Variants in TLR1 observed in about 807,000 individuals in gnomAD.
The protein encoded by TLR1 is toll like receptor 1.
TLR1 carries 19 observed loss-of-function variants against 20.2 expected under a neutral mutation model. The observed-to-expected ratio is 0.94, with a 90% CI of 0.66 to 1.38. The LOEUF (loss-of-function observed/expected upper bound fraction) is 1.38. Ranked by LOEUF, TLR1 falls within the 40% of genes most tolerant of loss-of-function variation. The pLI, the probability that TLR1 is intolerant of heterozygous loss-of-function variation, is 0.00. For synonymous variants in TLR1, 320 were observed against 334.5 expected (o/e 0.96, Z 0.47); for missense variants, 921 against 910.0 (o/e 1.01, Z -0.16).
downstream of TLR1, among the ~76,000 whole-genome samples, chr4:38,795,705 T>C (rs1240648769): frequency 6.6e-6 from 1 of 152,242 alleles, no homozygotes; most frequent in Admixed American, 6.5e-5. Flanking sequence ...GGTGATCCCA[T>C]GGAATACACA....
Position 38,798,816 on chromosome 4 carries a change from G to A in TLR1, c.16C>T (p.His6Tyr). 6.3e-7 allele frequency: 1 copy of A among 1,596,036 alleles called. No homozygotes were observed. Among genetic ancestry groups the A allele is most frequent in the South Asian group, 1.1e-5 (1 of 88,330 alleles). ...ATTAACATGAAGATAATGGCAAAAT[G>A]GAAGATGCTAGTCATTTTGGAACAC... MTSIF[H>Y]FAIIFMLILQ... The change falls in exon 4 of 4, where the codon CAT (histidine) becomes TAT (tyrosine). Residue 6 changes from histidine (H) to tyrosine (Y), a missense_variant. Physicochemically the swap from His to Tyr is moderately conservative, Grantham distance 83. Transcript: ENST00000308979.
Position 38,798,909 on chromosome 4 carries a change from A to C in TLR1, c.-67-11T>G, listed in dbSNP as rs1327519548. On this transcript the variant is annotated splice_polypyrimidine_tract_variant and intron_variant, in intron 3 of 3. Transcript: ENST00000308979. ...ATACAGATACAGATTCTAGAAAAAAAATAATGAAATGATGAAATACATTAC... is the reference window on the plus strand; with the variant it reads ...ATACAGATACAGATTCTAGAAAAAACATAATGAAATGATGAAATACATTAC... 14 of 1,152,832 alleles carry C rather than the reference A, an allele frequency of 1.2e-5. No homozygotes were observed. Among genetic ancestry groups the C allele is most frequent in the Admixed American group, 2.6e-5 (1 of 37,784 alleles). The allele number at this position is 1,152,832 out of a possible 1,614,324, so 71.4% of individuals were successfully genotyped here. A position where few individuals can be genotyped will look rare whatever the true frequency, so the allele number is the denominator to read the frequency against.
downstream of TLR1, among the ~76,000 whole-genome samples, chr4:38,792,505 G>A (rs1560451773): frequency 6.6e-6 from 1 of 151,990 alleles, no homozygotes; most frequent in Admixed American, 6.6e-5. Flanking sequence ...AGCCTCGAAT[G>A]CCTGGGCTCA....
intron 2 of TLR1, 55 bp from the exon 3 acceptor site, chr4:38,801,003 G>A (rs1214275903): frequency 6.6e-6 from 1 of 152,608 alleles, no homozygotes; most frequent in Non-Finnish European, 1.5e-5. Context: ...TCAAGGTGGT[G>A]TTTTTATGAC....
rs111596029 is a variant in TLR1, at chr4:38,797,643, T to C, written c.1189A>G (p.Met397Val). The C allele has an allele frequency of 6.2e-7, 1 of 1,613,942 alleles. No homozygotes were observed. The highest frequency in any genetic ancestry group is 8.5e-7 in the Non-Finnish European group (1 of 1,179,994). ...ATATCCAATTGTTGCAGAGACTTCA[T>C]CTGTGTAGTCATTTCAGCTATTTTT... ...LSKIAEMTTQ[M>V]KSLQQLDISQ... The change falls in exon 4 of 4, where the codon ATG (methionine) becomes GTG (valine). Residue 397 changes from methionine (M) to valine (V), a missense_variant. Transcript: ENST00000308979.
In TLR1 at chr4:38,797,233, T is replaced by A. The variant is rs1041165741; in HGVS notation, c.1599A>T (p.Gly533=). 1.9e-6 allele frequency: 3 copies of A among 1,614,254 alleles called. No individual in the cohort carries two copies. The highest frequency in any genetic ancestry group is 2.5e-6 in the Non-Finnish European group (3 of 1,180,040). The part of the protein sequence containing the change: ...DNPFQCTCEL[G]EFVKNIDQVS... ...CTTGGTCTATATTTTTGACAAATTC[T>A]CCTAGCTCACAGGTACATTGGAATG... Residue 533 remains glycine (G), a synonymous_variant, in exon 4 of 4, where the codon GGA becomes GGT. Transcript: ENST00000308979.
chr4:38,801,292 A>G (rs5743593), intron 2 of TLR1, among the ~76,000 whole-genome samples: 22,230 of 152,210 alleles, frequency 0.15, 2,243 homozygotes, highest in East Asian at 0.4. Flanking sequence ...ATTCTGCCAT[A>G]TGAAAATACA....
Position 38,796,608 on chromosome 4 carries a change from T to A in TLR1, c.2224A>T (p.Ser742Cys). The A allele has an allele frequency of 1.2e-6, 2 of 1,614,194 alleles. No homozygotes were observed. The highest frequency in any genetic ancestry group is 2.2e-5 in the East Asian group (1 of 44,884). The change falls in exon 4 of 4, where the codon AGT becomes TGT. Residue 742 changes from serine (S) to cysteine (C), a missense_variant. Physicochemically the swap from Ser to Cys is moderately radical, Grantham distance 112. Transcript: ENST00000308979. ...ATGAGACTTTTGAGCTTGTGATAAC[T>A]GCTAGGAATGGAGTACTGCGGAATG... Reference protein sequence around the residue: ...EPIPQYSIPSSYHKLKSLMAR... With the variant: ...EPIPQYSIPSCYHKLKSLMAR...
chr4:38,796,596 G>A lies in TLR1; in HGVS notation c.2236C>T (p.Leu746Phe). 6.2e-7 allele frequency: 1 copy of A among 1,614,168 alleles called. No individual in the cohort carries two copies. Reference sequence around the variant, plus strand: ...GTCCTCCTGGCCATGAGACTTTTGAGCTTGTGATAACTGCTAGGAATGGAG... The same window carrying A: ...GTCCTCCTGGCCATGAGACTTTTGAACTTGTGATAACTGCTAGGAATGGAG... ...QYSIPSSYHK[L>F]KSLMARRTYL... The change falls in exon 4 of 4, where the codon CTC becomes TTC. Residue 746 changes from leucine (L) to phenylalanine (F), a missense_variant. Coordinates refer to ENST00000308979, the MANE Select transcript of TLR1 (RefSeq NM_003263.4).
downstream of TLR1, chr4:38,790,705 T>C (rs1362516557): frequency 6.6e-6 from 1 of 152,182 alleles, no homozygotes; most frequent in African/African-American, 2.4e-5. Flanking sequence ...ACCTATTAGA[T>C]GGATGTGGAC....
downstream of TLR1, among the ~76,000 whole-genome samples, chr4:38,795,897 C>T (rs73142695): frequency 6.6e-6 from 1 of 152,154 alleles, no homozygotes; most frequent in African/African-American, 2.4e-5. Flanking sequence ...TATTTATCCA[C>T]CAGCTCTTTC....
downstream of TLR1, among the ~76,000 whole-genome samples, chr4:38,793,969 A>G (rs1324302723): frequency 1.3e-5 from 2 of 152,098 alleles, no homozygotes; most frequent in Non-Finnish European, 2.9e-5. Flanking sequence ...ACAGCCATCT[A>G]TGAGTTAAGA....
intron 3 of TLR1, among the ~76,000 whole-genome samples, chr4:38,799,540 CT>C (rs1387636995): frequency 6.6e-6 from 1 of 152,200 alleles, no homozygotes; most frequent in African/African-American, 2.4e-5. Flanking sequence ...TTATGATCAT[CT>C]GTTACAGCAG....
chr4:38,800,951 G>A lies in TLR1; in HGVS notation c.-159-3C>T, dbSNP rs1413221545. ...CCCTATTAGTGTTCATGAAGACCCT[G>A]AGCAAGGAAGATGATGCAGACATTA... On this transcript the variant is annotated splice_polypyrimidine_tract_variant and splice_region_variant and intron_variant, in intron 2 of 3. Transcript: ENST00000308979. The A allele has an allele frequency of 6.6e-6, 1 of 152,604 alleles. No individual in the cohort carries two copies. Among genetic ancestry groups the A allele is most frequent in the East Asian group, 1.9e-4 (1 of 5,188 alleles). 9.5% of individuals were successfully genotyped at this position (152,604 alleles called of 1,614,324 possible).
chr4:38,797,570 C>T lies in TLR1; in HGVS notation c.1262G>A (p.Trp421Ter), dbSNP rs764345622. 1 of 1,613,334 alleles carries T rather than the reference C, an allele frequency of 6.2e-7. No homozygotes were observed. Among genetic ancestry groups the T allele is most frequent in the East Asian group, 2.2e-5 (1 of 44,868 alleles). The change falls in exon 4 of 4, where the codon TGG becomes TAG. Residue 421 changes from tryptophan to a stop codon, truncating the protein, a stop_gained. Coordinates refer to ENST00000308979, the MANE Select transcript of TLR1 (RefSeq NM_003263.4). LOFTEE classifies it high-confidence loss of function. ...SYDEKKGDCS[W>*]TKSLLSLNMS... ...ATTTAAACTTAATAAACTTTTAGTC[C>T]AAGAACAGTCTCCTTTCTTTTCATC...
intron 3 of TLR1, among the ~76,000 whole-genome samples, chr4:38,799,937 G>A (rs963712398): frequency 6.6e-6 from 1 of 152,184 alleles, no homozygotes; most frequent in African/African-American, 2.4e-5. Context: ...TTTTTATCTA[G>A]TGGGGAGACA....
chr4:38,790,272 C>T (rs564331118), downstream of TLR1, among the ~76,000 whole-genome samples: 9 of 152,238 alleles, frequency 5.9e-5, no homozygotes, highest in African/African-American at 1.4e-4. Flanking sequence ...AGTAGTTTCC[C>T]GAAAGAATGC....
At chr4:38,793,583 G>A (rs567810741), downstream of TLR1, among the ~76,000 whole-genome samples, 7 of 152,106 alleles carry the variant, frequency 4.6e-5, no homozygotes, top group South Asian at 1.0e-3. Context: ...TCAACCTCCC[G>A]CCAGCATCCT....
downstream of TLR1, among the ~76,000 whole-genome samples, chr4:38,793,841 G>A (rs1013834905): frequency 7.3e-5 from 11 of 151,646 alleles, no homozygotes; most frequent in African/African-American, 2.2e-4. Context: ...TTAAAATGAG[G>A]TCATTAGAGT....
Sources: allele counts gnomAD v4.1 joint callset (sites outside exome capture counted in the v4.1 genomes callset), GRCh38; gene constraint gnomAD v4.1.1; transcripts MANE v1.5; gene names NCBI Gene and HGNC (gene_info 2026-07-23, HGNC 2026-07-21).